Variants in EPHB1 observed in about 807,000 individuals in gnomAD.
EPHB1 encodes the protein EPH receptor B1, also known as ephrin type-B receptor 1.
EPHB1 carries 30 observed loss-of-function variants against 94.4 expected under a neutral mutation model. The ratio of observed to expected loss-of-function variants is 0.32; its 90% CI spans 0.24 to 0.43. The LOEUF (loss-of-function observed/expected upper bound fraction) is 0.43. Among genes scored for constraint, EPHB1 ranks in the 20% least tolerant of loss-of-function variants. The pLI is 1.00. For missense variants in EPHB1, 1,055 were observed against 1,308.3 expected (o/e 0.81, Z 2.99); for synonymous variants, 522 against 489.1 (o/e 1.07, Z -0.89).
At chr3:135,001,597 G>A (rs546499838) in intron 3 of EPHB1, among the ~76,000 whole-genome samples, 2 of 152,282 alleles carry the variant, frequency 1.3e-5, no homozygotes, top group South Asian at 4.2e-4. Flanking sequence ...ACTAACCCCA[G>A]GCCCAATGGC....
chr3:135,128,638 C>G (rs1457305306), intron 4 of EPHB1, among the ~76,000 whole-genome samples: 2 of 152,152 alleles, frequency 1.3e-5, no homozygotes, highest in Admixed American at 1.3e-4. Flanking sequence ...TTTCATAACA[C>G]TTATTCTTAT....
At chr3:134,826,362 C>G (rs2036478720) in intron 1 of EPHB1, among the ~76,000 whole-genome samples, 2 of 152,050 alleles carry the variant, frequency 1.3e-5, no homozygotes, top group Admixed American at 1.3e-4. Context: ...CTACACCAGT[C>G]CAGATGCATT....
rs531541559 is a variant in EPHB1 at position 135,208,624 on chromosome 3, G to A, written c.2346+6935G>A. Among the ~76,000 whole-genome samples, 394 of 152,288 alleles carry A rather than the reference G, an allele frequency of 2.6e-3. 1 individual carries two copies. The highest frequency in any genetic ancestry group is 3.8e-3 in the Non-Finnish European group (256 of 68,032). On this transcript the variant is annotated intron_variant, in intron 12 of 15. Coordinates refer to ENST00000398015, the MANE Select transcript of EPHB1 (RefSeq NM_004441.5). ...GATTGAGAGACAAGCTATATACAGG[G>A]AGATTTAAAAATAAATTTGAAATAA...
chr3:135,022,011 G>A (rs1168988764), intron 3 of EPHB1, among the ~76,000 whole-genome samples: 4 of 152,020 alleles, frequency 2.6e-5, no homozygotes, highest in Non-Finnish European at 4.4e-5. Flanking sequence ...ACAGAGTCTC[G>A]CTCTGTCGCC....
chr3:135,199,997 G>T (rs6439561), intron 11 of EPHB1, among the ~76,000 whole-genome samples: 4 of 151,968 alleles, frequency 2.6e-5, no homozygotes, highest in African/African-American at 9.7e-5. Context: ...GGATGCAGGT[G>T]GTGGTTGCCT....
At chr3:134,847,981 C>T (rs1211190068) in intron 1 of EPHB1, among the ~76,000 whole-genome samples, 2 of 152,260 alleles carry the variant, frequency 1.3e-5, no homozygotes, top group South Asian at 2.1e-4. Context: ...AATTAACGAA[C>T]CTTTGCATTT....
intron 3 of EPHB1, among the ~76,000 whole-genome samples, chr3:135,031,841 C>T (rs1936484596): frequency 6.6e-6 from 1 of 152,050 alleles, no homozygotes. Flanking sequence ...TTATCCTACC[C>T]TTATATTTCG....
At chr3:135,172,450 G>T (rs1055431979) in intron 9 of EPHB1, among the ~76,000 whole-genome samples, 1 of 152,226 alleles carries the variant, frequency 6.6e-6, no homozygotes, top group Non-Finnish European at 1.5e-5. Context: ...CTAGATAGCT[G>T]TCAGTAAAGG....
At chr3:135,257,982 GC>G (rs1156956103) in intron 15 of EPHB1, among the ~76,000 whole-genome samples, 2 of 152,156 alleles carry the variant, frequency 1.3e-5, no homozygotes, top group Non-Finnish European at 2.9e-5. Context: ...TTTTCCAGGT[GC>G]CGTCCATCAC....
intron 1 of EPHB1, among the ~76,000 whole-genome samples, chr3:134,799,388 CTG>C (rs1191542353): frequency 1.3e-5 from 2 of 152,168 alleles, no homozygotes; most frequent in Non-Finnish European, 2.9e-5. Flanking sequence ...TTAAAAATGT[CTG>C]AGAAAGAAAA....
chr3:135,067,971 G>C (rs1038242592), intron 3 of EPHB1: 7 of 152,212 alleles, frequency 4.6e-5, no homozygotes, highest in African/African-American at 1.7e-4. Context: ...CCAGTAGTAG[G>C]GGTGTGTTCA....
At chr3:135,040,741 C>T (rs1451995733) in intron 3 of EPHB1, among the ~76,000 whole-genome samples, 3 of 152,204 alleles carry the variant, frequency 2.0e-5, no homozygotes, top group Admixed American at 2.0e-4. Context: ...GGTCACTGCT[C>T]TGCCCGGCCT....
intron 3 of EPHB1, among the ~76,000 whole-genome samples, chr3:135,097,837 T>C (rs911333651): frequency 6.6e-6 from 1 of 152,088 alleles, no homozygotes; most frequent in Non-Finnish European, 1.5e-5. Flanking sequence ...GCTCCAGCCC[T>C]CCTCCCACCA....
chr3:135,255,070 T>A (rs1420617294), intron 15 of EPHB1, among the ~76,000 whole-genome samples: 1 of 152,196 alleles, frequency 6.6e-6, no homozygotes, highest in African/African-American at 2.4e-5. Context: ...ATATCCCCTT[T>A]ATCATTTTTT....
At chr3:135,031,056 C>T (rs1473586454) in intron 3 of EPHB1, among the ~76,000 whole-genome samples, 1 of 152,198 alleles carries the variant, frequency 6.6e-6, no homozygotes, top group African/African-American at 2.4e-5. Context: ...CTTCCCGAGT[C>T]AGGCAATGTC....
chr3:135,009,540 C>A (rs1935548185), intron 3 of EPHB1, among the ~76,000 whole-genome samples: 1 of 152,302 alleles, frequency 6.6e-6, no homozygotes, highest in African/African-American at 2.4e-5. Context: ...CAAAAAATAC[C>A]AAGCTTCTCC....
intron 1 of EPHB1, among the ~76,000 whole-genome samples, chr3:134,859,980 A>G (rs2037212358): frequency 1.3e-5 from 2 of 152,162 alleles, no homozygotes; most frequent in Non-Finnish European, 2.9e-5. Flanking sequence ...ATAATATTTA[A>G]CTATTCCCCA....
intron 1 of EPHB1, among the ~76,000 whole-genome samples, chr3:134,826,856 A>T (rs1336456112): frequency 1.3e-5 from 2 of 152,164 alleles, no homozygotes; most frequent in Non-Finnish European, 2.9e-5. Flanking sequence ...TGCCCTGGTG[A>T]GCAGGGCACA....
At chr3:135,213,235 C>T (rs1001335519) in intron 12 of EPHB1, among the ~76,000 whole-genome samples, 17 of 152,186 alleles carry the variant, frequency 1.1e-4, no homozygotes, top group African/African-American at 4.1e-4. Flanking sequence ...AAATAATGAA[C>T]AGATCGAATT....
Sources: allele counts gnomAD v4.1 joint callset (sites outside exome capture counted in the v4.1 genomes callset), GRCh38; gene constraint gnomAD v4.1.1; transcripts MANE v1.5; gene names NCBI Gene and HGNC (gene_info 2026-07-23, HGNC 2026-07-21).